Variants in STK3 observed in about 807,000 individuals in gnomAD.
The protein encoded by STK3 is serine/threonine kinase 3.
Under a neutral mutation model 58.0 loss-of-function variants are expected in STK3, and 41 were observed. That is an observed-to-expected ratio of 0.71 (90% CI 0.55 to 0.92). The LOEUF is 0.92. Ranked by LOEUF, STK3 falls within the 40% of genes least tolerant of loss-of-function variation. The pLI is 0.00. For synonymous variants in STK3, 170 were observed against 191.0 expected, an observed-to-expected ratio of 0.89 and a Z score of 0.91; for missense variants, 479 against 602.7, an observed-to-expected ratio of 0.79 and a Z score of 2.15.
Position 98,417,698 on chromosome 8 carries a change from C to T in STK3, n.484-16185G>A, listed in dbSNP as rs781361147. ...CCACCATGTTGTTGTGATGATTAAC[C>T]TAGTTACTAGACGTTAATCCTTATA... On this transcript the variant is annotated intron_variant and non_coding_transcript_variant, in intron 3 of 3. Coordinates refer to the STK3 transcript ENST00000517832. Among the ~76,000 whole-genome samples the T allele has an allele frequency of 1.9e-3, 288 of 152,118 alleles. 6 individuals carry two copies. Among genetic ancestry groups the T allele is most frequent in the Non-Finnish European group, 8.7e-4 (59 of 67,998 alleles).
chr8:98,729,936 CAT>C (rs1828054497), intron 4 of STK3, among the ~76,000 whole-genome samples: 1 of 152,214 alleles, frequency 6.6e-6, no homozygotes, highest in South Asian at 2.1e-4. Flanking sequence ...ACTTAACCTC[CAT>C]ATGTTTCCAT....
chr8:98,569,773 T>C (rs1341556600), intron 8 of STK3, among the ~76,000 whole-genome samples: 1 of 151,842 alleles, frequency 6.6e-6, no homozygotes, highest in Admixed American at 6.6e-5. Context: ...TAACAAGTAA[T>C]CAATTCTTTT....
intron 10 of STK3, among the ~76,000 whole-genome samples, chr8:98,486,326 T>C (rs894872799): frequency 6.6e-6 from 1 of 152,164 alleles, no homozygotes; most frequent in African/African-American, 2.4e-5. Flanking sequence ...CCCAATCTGG[T>C]TGGGGAAACA....
At chr8:98,830,682 G>A (rs910277905), upstream of STK3, among the ~76,000 whole-genome samples, 1 of 152,154 alleles carries the variant, frequency 6.6e-6, no homozygotes, top group African/African-American at 2.4e-5. Flanking sequence ...GTGAAAGTAA[G>A]GTAATCGGCC....
At chr8:98,894,644 T>C (rs1315059157) in intron 1 of STK3, among the ~76,000 whole-genome samples, 1 of 152,238 alleles carries the variant, frequency 6.6e-6, no homozygotes, top group Admixed American at 6.5e-5. Context: ...TAAGCACCAC[T>C]GAAGACAGAG....
chr8:98,799,006 T>A (rs1833352941), intron 1 of STK3, among the ~76,000 whole-genome samples: 1 of 152,208 alleles, frequency 6.6e-6, no homozygotes, highest in Admixed American at 6.5e-5. Flanking sequence ...CCAAACCTGC[T>A]GGCAGCTTGA....
rs759597833 is a variant in STK3, at chr8:98,891,607, C to CTGTG, written c.-78-7777_-78-7774dup. ...GTGCAGACTTTATCTTTAAATAAAA[C>CTGTG]TGTGTGTGTGTGTGTGTGTGAGAGA... On this transcript the variant is annotated intron_variant, in intron 1 of 1. Coordinates refer to the STK3 transcript ENST00000519420. Among the ~76,000 whole-genome samples, 624 of 140,336 alleles carry CTGTG rather than the reference C, an allele frequency of 4.4e-3. 2 individuals are homozygous for CTGTG. Among genetic ancestry groups the CTGTG allele is most frequent in the African/African-American group, 0.016 (589 of 37,822 alleles). 92.1% of individuals were successfully genotyped at this position (140,336 alleles called of 152,430 possible). A position where few individuals can be genotyped will look rare whatever the true frequency, so the allele number is the denominator to read the frequency against.
At chr8:98,863,074 T>C (rs760330960) in intron 3 of STK3, among the ~76,000 whole-genome samples, 22 of 152,202 alleles carry the variant, frequency 1.4e-4, no homozygotes, top group Non-Finnish European at 2.4e-4. Flanking sequence ...CCTGCTGCCC[T>C]CTGGGTGGAG....
At chr8:98,861,855 T>C (rs900526474) in intron 3 of STK3, among the ~76,000 whole-genome samples, 1 of 152,194 alleles carries the variant, frequency 6.6e-6, no homozygotes, top group Non-Finnish European at 1.5e-5. Flanking sequence ...CCAGGTACAC[T>C]GTTCATGGAC....
At chr8:98,672,632 A>AC (rs1822915294) in intron 6 of STK3, among the ~76,000 whole-genome samples, 1 of 152,234 alleles carries the variant, frequency 6.6e-6, no homozygotes, top group Admixed American at 6.5e-5. Context: ...CTAAGTAAAG[A>AC]AACAATTATT....
At chr8:98,720,638 C>T (rs1485781728) in intron 4 of STK3, among the ~76,000 whole-genome samples, 1 of 151,448 alleles carries the variant, frequency 6.6e-6, no homozygotes, top group Admixed American at 6.6e-5. Context: ...GTAGTCCCGG[C>T]TGCTCGGGAG....
At chr8:98,593,895 C>G (rs752304677) in intron 7 of STK3, among the ~76,000 whole-genome samples, 78 of 151,874 alleles carry the variant, frequency 5.1e-4, no homozygotes, top group African/African-American at 7.7e-4. Flanking sequence ...TCCTACCCCC[C>G]CAAAAAAAAA....
At chr8:98,588,753 G>A (rs1166773597) in intron 7 of STK3, among the ~76,000 whole-genome samples, 1 of 151,454 alleles carries the variant, frequency 6.6e-6, no homozygotes, top group Admixed American at 6.6e-5. Flanking sequence ...CGTAGATTTG[G>A]TCTTTTCACA....
intron 3 of STK3, among the ~76,000 whole-genome samples, chr8:98,408,742 T>C (rs1056435499): frequency 4.6e-5 from 7 of 152,254 alleles, no homozygotes; most frequent in African/African-American, 1.7e-4. Context: ...TTCTATCAAG[T>C]TGACTGTGGG....
In STK3 at chr8:98,583,074, C is replaced by T. The variant is rs577524753; in HGVS notation, c.823-3285G>A. ...TGCTTTTTTGATCATGTTATTCATA[C>T]TATCTTTTTATATTTTATTAAAATT... On this transcript the variant is annotated intron_variant, in intron 7 of 10. Coordinates refer to ENST00000419617, the MANE Select transcript of STK3 (RefSeq NM_006281.4). 2.2e-4 allele frequency among the ~76,000 whole-genome samples: 34 copies of T among 151,886 alleles called. 1 individual carries two copies. In the South Asian group the frequency reaches 7.1e-3, roughly 32 times the overall value.
At chr8:98,763,695 CAG>C (rs1830770705) in intron 3 of STK3, among the ~76,000 whole-genome samples, 3 of 151,126 alleles carry the variant, frequency 2.0e-5, no homozygotes, top group African/African-American at 7.3e-5. Context: ...CTTTTTGAGA[CAG>C]AGTCTCACTC....
At chr8:98,914,089 T>C (rs1293446745) in intron 1 of STK3, among the ~76,000 whole-genome samples, 2 of 151,776 alleles carry the variant, frequency 1.3e-5, no homozygotes, top group Non-Finnish European at 2.9e-5. Flanking sequence ...TTTATCACTA[T>C]GCAATATGTC....
At chr8:98,693,912 T>A (rs1225324459) in intron 6 of STK3, among the ~76,000 whole-genome samples, 2 of 152,202 alleles carry the variant, frequency 1.3e-5, no homozygotes, top group Non-Finnish European at 1.5e-5. Context: ...TGGGTTTTTT[T>A]AAATATTAAA....
chr8:98,655,300 G>A (rs924136085), intron 6 of STK3, among the ~76,000 whole-genome samples: 1 of 152,278 alleles, frequency 6.6e-6, no homozygotes, highest in African/African-American at 2.4e-5. Flanking sequence ...AGCTGAAACT[G>A]GATCCCTTCC....
Sources: gnomAD v4.1 joint callset for allele counts (sites outside exome capture counted in the v4.1 genomes callset) on GRCh38, gnomAD v4.1.1 for gene constraint, MANE v1.5 for transcripts, NCBI Gene and HGNC (gene_info 2026-07-23, HGNC 2026-07-21) for gene names.